ZFPM2: variants seen among roughly 807,000 people sequenced by gnomAD.
ZFPM2 encodes zinc finger protein, FOG family member 2.
In ZFPM2, 20 loss-of-function variants were observed where a neutral mutation model predicts 98.6. The ratio of observed to expected loss-of-function variants is 0.20; its 90% CI spans 0.14 to 0.29. The LOEUF (loss-of-function observed/expected upper bound fraction) is 0.29, where lower values mean the gene tolerates loss of function less well. ZFPM2 is among the 10% of genes least tolerant of loss of function. The pLI is 1.00. For synonymous variants in ZFPM2, 518 were observed against 502.7 expected (o/e 1.03, Z -0.41); for missense variants, 1,310 against 1,388.6 (o/e 0.94, Z 0.90).
At chr8:105,452,529 C>G (rs1812505252) in intron 3 of ZFPM2, among the ~76,000 whole-genome samples, 1 of 151,746 alleles carries the variant, frequency 6.6e-6, no homozygotes, top group African/African-American at 2.4e-5. Context: ...GGGAGGATCT[C>G]TTGAGCCCAG....
intron 1 of ZFPM2, among the ~76,000 whole-genome samples, chr8:105,349,474 AT>A (rs1223969103): frequency 6.6e-6 from 1 of 152,284 alleles, no homozygotes; most frequent in African/African-American, 2.4e-5. Context: ...GCCATAGGGT[AT>A]TTTGATTAAT....
intron 5 of ZFPM2, among the ~76,000 whole-genome samples, chr8:105,646,250 G>A (rs1263304236): frequency 2.0e-5 from 3 of 152,064 alleles, no homozygotes; most frequent in Non-Finnish European, 4.4e-5. Context: ...TCCACAGACC[G>A]GCCAGAACCA....
chr8:105,426,221 TATAACATTGAC>T (rs1403561879), intron 2 of ZFPM2, among the ~76,000 whole-genome samples: 1 of 152,186 alleles, frequency 6.6e-6, no homozygotes, highest in Non-Finnish European at 1.5e-5. Flanking sequence ...AATTCTTGCA[TATAACATTGAC>T]ATTTCCAGGG....
At chr8:105,756,663 A>G (rs1352171381) in intron 5 of ZFPM2, among the ~76,000 whole-genome samples, 1 of 152,174 alleles carries the variant, frequency 6.6e-6, no homozygotes, top group East Asian at 1.9e-4. Flanking sequence ...ATTTACTTCA[A>G]TATAACTCTT....
chr8:105,469,786 T>C (rs1812862616), intron 3 of ZFPM2, among the ~76,000 whole-genome samples: 1 of 152,248 alleles, frequency 6.6e-6, no homozygotes, highest in African/African-American at 2.4e-5. Flanking sequence ...GATTCTGTTA[T>C]TAAGCCCATG....
intron 1 of ZFPM2, among the ~76,000 whole-genome samples, chr8:105,377,703 C>A (rs1490270878): frequency 1.3e-5 from 2 of 151,654 alleles, no homozygotes; most frequent in Admixed American, 6.6e-5. Flanking sequence ...TCGCTTGAAC[C>A]CAGAAGGTGG....
chr8:105,449,901 A>G (rs563568632), intron 3 of ZFPM2, among the ~76,000 whole-genome samples: 92 of 152,220 alleles, frequency 6.0e-4, no homozygotes, highest in African/African-American at 2.0e-3. Context: ...CTTACATGTA[A>G]TAAGTCCTTG....
At chr8:105,626,503 C>T (rs997215506) in intron 4 of ZFPM2, among the ~76,000 whole-genome samples, 2 of 152,014 alleles carry the variant, frequency 1.3e-5, no homozygotes, top group Non-Finnish European at 2.9e-5. Flanking sequence ...AAGGTCAAAT[C>T]GCGTACAGCA....
chr8:105,342,966 G>T (rs1275703766), intron 1 of ZFPM2, among the ~76,000 whole-genome samples: 4 of 151,966 alleles, frequency 2.6e-5, no homozygotes, highest in African/African-American at 9.7e-5. Context: ...GCAGACTCAA[G>T]TGCTTAAGGC....
At chr8:105,715,959 A>G (rs1190464027) in intron 5 of ZFPM2, among the ~76,000 whole-genome samples, 1 of 151,928 alleles carries the variant, frequency 6.6e-6, no homozygotes, top group Non-Finnish European at 1.5e-5. Flanking sequence ...ATTTTATTTC[A>G]ATGCAGAGTT....
chr8:105,342,640 A>G (rs2129670488), intron 1 of ZFPM2, among the ~76,000 whole-genome samples: 1 of 152,150 alleles, frequency 6.6e-6, no homozygotes, highest in East Asian at 1.9e-4. Context: ...TTCTTAACTT[A>G]TATTTACTTT....
chr8:105,750,637 C>T (rs1382772767), intron 5 of ZFPM2, among the ~76,000 whole-genome samples: 1 of 151,944 alleles, frequency 6.6e-6, no homozygotes, highest in Non-Finnish European at 1.5e-5. Context: ...CTCTGTATGT[C>T]TGTTTTGACG....
At chr8:105,549,579 G>A (rs377348447) in intron 3 of ZFPM2, among the ~76,000 whole-genome samples, 8 of 45,892 alleles carry the variant, frequency 1.7e-4, no homozygotes, top group Non-Finnish European at 2.5e-4. Flanking sequence ...TCCATCCTTC[G>A]TTCCTTCTTT....
intron 3 of ZFPM2, among the ~76,000 whole-genome samples, chr8:105,559,526 T>C (rs1265829863): frequency 1.3e-5 from 2 of 152,186 alleles, no homozygotes; most frequent in African/African-American, 4.8e-5. Flanking sequence ...ATTTAAATTT[T>C]TGATTGGGAA....
intron 5 of ZFPM2, among the ~76,000 whole-genome samples, chr8:105,717,212 G>T (rs568088800): frequency 6.6e-6 from 1 of 151,854 alleles, no homozygotes; most frequent in Admixed American, 6.6e-5. Flanking sequence ...GGAACCACTG[G>T]GTCAGAGAAA....
At chr8:105,320,646 A>G (rs1317891056) in intron 1 of ZFPM2, among the ~76,000 whole-genome samples, 2 of 152,186 alleles carry the variant, frequency 1.3e-5, no homozygotes, top group African/African-American at 4.8e-5. Context: ...TTGTTAATAA[A>G]TAATTAATAT....
intron 4 of ZFPM2, among the ~76,000 whole-genome samples, chr8:105,568,655 A>G (rs1252065714): frequency 1.3e-5 from 2 of 152,012 alleles, no homozygotes; most frequent in Non-Finnish European, 2.9e-5. Flanking sequence ...GATTATTACA[A>G]TATTCTTCTG....
chr8:105,438,478 A>C (rs1375725587), intron 2 of ZFPM2, among the ~76,000 whole-genome samples: 4 of 152,212 alleles, frequency 2.6e-5, no homozygotes. Context: ...TTTAAGTTCT[A>C]ATTTTTGTGG....
At chr8:105,465,025 T>C (rs1371035118) in intron 3 of ZFPM2, among the ~76,000 whole-genome samples, 1 of 151,932 alleles carries the variant, frequency 6.6e-6, no homozygotes, top group Non-Finnish European at 1.5e-5. Flanking sequence ...ATCGTAGTTG[T>C]CAGTGGGAAA....
Sources: gnomAD v4.1 joint callset for allele counts (sites outside exome capture counted in the v4.1 genomes callset) on GRCh38, gnomAD v4.1.1 for gene constraint, MANE v1.5 for transcripts, NCBI Gene and HGNC (gene_info 2026-07-23, HGNC 2026-07-21) for gene names.